ACSL1: variants seen among roughly 807,000 people sequenced by gnomAD.
ACSL1 encodes acyl-CoA synthetase long chain family member 1.
ACSL1 carries 41 observed loss-of-function variants against 98.4 expected under a neutral mutation model. That is an observed-to-expected ratio of 0.42 (90% CI 0.32 to 0.54). The LOEUF (loss-of-function observed/expected upper bound fraction) is 0.54, where lower values mean the gene tolerates loss of function less well. ACSL1 is among the 20% of genes least tolerant of loss of function. ACSL1 has a pLI of 0.13. For synonymous variants in ACSL1, 316 were observed against 322.7 expected (o/e 0.98, Z 0.22); for missense variants, 734 against 883.1 (o/e 0.83, Z 2.14).
intron 10 of ACSL1, among the ~76,000 whole-genome samples, chr4:184,770,775 A>G (rs1259371128): frequency 6.6e-6 from 1 of 152,246 alleles, no homozygotes; most frequent in African/African-American, 2.4e-5. Context: ...TAGTACCTCA[A>G]CACTGAGGAG....
rs1156925711 is a variant in ACSL1, at chr4:184,825,172, G to C, written c.-33+744C>G. ...CCACACTCTCACAACGCACCGACTGGGGGAACGCCTGTCCCCAGACTCGAA... is the reference window on the plus strand; with the variant it reads ...CCACACTCTCACAACGCACCGACTGCGGGAACGCCTGTCCCCAGACTCGAA... On this transcript the variant is annotated intron_variant, in intron 1 of 20. Coordinates refer to ENST00000281455, the MANE Select transcript of ACSL1 (RefSeq NM_001995.5). This position sits in a 1 kb window ranked among gnomAD's most constrained non-coding sequence, Gnocchi z 4.7. 3 of 985,172 alleles carry C rather than the reference G, an allele frequency of 3.0e-6. No individual in the cohort carries two copies. The East Asian group carries it at 3.4e-4, about 112-fold the overall frequency. 61.0% of individuals were successfully genotyped at this position (985,172 alleles called of 1,614,324 possible).
At chr4:184,806,778 A>G (rs1771483556) in intron 1 of ACSL1, among the ~76,000 whole-genome samples, 2 of 152,252 alleles carry the variant, frequency 1.3e-5, no homozygotes. Context: ...GTTTGAATCC[A>G]GCCAAATTCC....
intron 1 of ACSL1, among the ~76,000 whole-genome samples, chr4:184,822,432 AAC>A (rs1056135833): frequency 6.6e-6 from 1 of 152,208 alleles, no homozygotes; most frequent in African/African-American, 2.4e-5. Flanking sequence ...TGTTGTTTCT[AAC>A]ACAGTCAAGA....
Position 184,780,332 on chromosome 4 carries a change from C to A in ACSL1, c.477G>T (p.Glu159Asp). 1 of 1,612,598 alleles carries A rather than the reference C, an allele frequency of 6.2e-7. No individual in the cohort carries two copies. The highest frequency in any genetic ancestry group is 1.1e-5 in the South Asian group (1 of 90,980). ...FIGIFAQNRP[E>D]WVIIEQGCFA... is the part of the protein sequence containing the mutation. ...ATAGCAAGTACCTACTGGTTCATAC[C>A]TCAGGTCTATTTTGAGCAAAGATGC... The change falls in exon 5 of 21, where the codon GAG becomes GAT. Residue 159 changes from glutamate (E) to aspartate (D), a missense_variant and splice_region_variant. Physicochemically the swap from Glu to Asp is conservative, Grantham distance 45. Coordinates refer to ENST00000281455, the MANE Select transcript of ACSL1 (RefSeq NM_001995.5).
rs564748886 is a variant in ACSL1 at position 184,821,305 on chromosome 4, G to C, written c.-33+4611C>G. ...TTAATAAAGGAATAAATAGTATTCA[G>C]AGTGTTTCAGTCCTTCTTATATGGA... On this transcript the variant is annotated intron_variant, in intron 1 of 20. Coordinates refer to ENST00000281455, the MANE Select transcript of ACSL1 (RefSeq NM_001995.5). The C allele has an allele frequency of 3.2e-4, 105 of 328,480 alleles. 1 individual carries two copies. The highest frequency in any genetic ancestry group is 2.2e-3 in the African/African-American group (101 of 46,190). 20.3% of individuals were successfully genotyped at this position (328,480 alleles called of 1,614,324 possible). A position where few individuals can be genotyped will look rare whatever the true frequency, so the allele number is the denominator to read the frequency against.
At chr4:184,764,966 A>G in intron 14 of ACSL1, 41 bp from the exon 15 acceptor site, 1 of 1,587,370 alleles carries the variant, frequency 6.3e-7, no homozygotes, top group Non-Finnish European at 8.6e-7. Context: ...GGAGAGCACA[A>G]TCACACCTTT....
Position 184,788,746 on chromosome 4 carries a change from A to AG in ACSL1, c.196-16dup, listed in dbSNP as rs539543039. The AG allele has an allele frequency of 6.2e-7, 1 of 1,609,154 alleles. No individual in the cohort carries two copies. Among genetic ancestry groups the AG allele is most frequent in the Non-Finnish European group, 8.5e-7 (1 of 1,175,572 alleles). The stretch of plus-strand genomic sequence containing the variant: ...CCACCACTACCCTATCAAAAAAGAA[A>AG]GGGGGGCAGGTTAGAAGGCAGTGAA... On this transcript the variant is annotated splice_polypyrimidine_tract_variant and intron_variant, in intron 2 of 20. Coordinates refer to ENST00000281455, the MANE Select transcript of ACSL1 (RefSeq NM_001995.5).
intron 3 of ACSL1, among the ~76,000 whole-genome samples, chr4:184,786,687 A>G (rs1209864514): frequency 7.6e-6 from 1 of 131,722 alleles, no homozygotes; most frequent in African/African-American, 2.6e-5. Flanking sequence ...AACAATAGGC[A>G]CTTTCTTTTT....
At chr4:184,797,470 A>G (rs1278174779) in intron 2 of ACSL1, among the ~76,000 whole-genome samples, 1 of 152,216 alleles carries the variant, frequency 6.6e-6, no homozygotes, top group African/African-American at 2.4e-5. Flanking sequence ...ACATGGATGA[A>G]GGATGCCAGT....
chr4:184,789,946 G>C (rs577067027), intron 2 of ACSL1, among the ~76,000 whole-genome samples: 1 of 151,530 alleles, frequency 6.6e-6, no homozygotes, highest in East Asian at 1.9e-4. Flanking sequence ...GAAACCCTTG[G>C]AGAAATTAGA....
intron 1 of ACSL1, among the ~76,000 whole-genome samples, chr4:184,807,037 C>T (rs1243163196): frequency 6.6e-6 from 1 of 152,134 alleles, no homozygotes; most frequent in African/African-American, 2.4e-5. Context: ...AAGGAAAAGG[C>T]ACTTGGGGTA....
Sources: allele counts gnomAD v4.1 joint callset (sites outside exome capture counted in the v4.1 genomes callset), GRCh38; gene constraint gnomAD v4.1.1; non-coding constraint Gnocchi (gnomAD v3.1); transcripts MANE v1.5; gene names NCBI Gene and HGNC (gene_info 2026-07-23, HGNC 2026-07-21).